The following TASP1 variants were observed in gnomAD, a reference collection of about 807,000 sequenced individuals.
TASP1 encodes the protein threonine aspartase 1.
A neutral mutation model predicts 56.6 loss-of-function variants in TASP1; 16 were observed. The observed-to-expected ratio is 0.28, with a 90% CI of 0.19 to 0.43. The LOEUF (loss-of-function observed/expected upper bound fraction) is 0.43, where lower values mean the gene tolerates loss of function less well. Ranked by LOEUF, TASP1 falls within the 20% of genes least tolerant of loss-of-function variation. The pLI is 1.00. For synonymous variants in TASP1, 179 were observed against 184.2 expected (o/e 0.97, Z 0.23); for missense variants, 393 against 511.6 (o/e 0.77, Z 2.24).
intron 6 of TASP1, among the ~76,000 whole-genome samples, chr20:13,569,953 A>G (rs763511215): frequency 1.3e-5 from 2 of 152,124 alleles, no homozygotes; most frequent in African/African-American, 4.8e-5. Context: ...AACAGTTTAC[A>G]ATTAAGTGAA....
chr20:13,474,390 G>A (rs1425026758), intron 11 of TASP1, among the ~76,000 whole-genome samples: 2 of 152,086 alleles, frequency 1.3e-5, no homozygotes, highest in Non-Finnish European at 2.9e-5. Context: ...ATGATATTTG[G>A]TTTTCTATTC....
At chr20:13,625,273 C>A in intron 2 of TASP1, 21 bp from the exon 3 acceptor site, 1 of 1,583,094 alleles carries the variant, frequency 6.3e-7, no homozygotes, top group South Asian at 1.1e-5. Context: ...AAATAAAATC[C>A]AGTTAATTAT....
At chr20:13,299,125 C>T in the TASP1 span, 6 of 1,613,074 alleles carry the variant, frequency 3.7e-6, no homozygotes, top group South Asian at 6.6e-5. The surrounding 1 kb of genome is among the most constrained non-coding windows in gnomAD (Gnocchi z 5.8). Context: ...GCCAGCGGGC[C>T]CAAGGAGAAG....
the TASP1 span, among the ~76,000 whole-genome samples, chr20:13,327,105 T>C: frequency 6.6e-6 from 1 of 152,234 alleles, no homozygotes; most frequent in African/African-American, 2.4e-5. Context: ...ATAAGCAACT[T>C]CAGCAAAGTC....
chr20:13,571,374 T>C (rs988333453), intron 6 of TASP1, among the ~76,000 whole-genome samples: 7 of 152,360 alleles, frequency 4.6e-5, no homozygotes, highest in African/African-American at 1.2e-4. Flanking sequence ...TTTCTAAACA[T>C]TGAATGCAGC....
At chr20:13,251,688 C>T in the TASP1 span, among the ~76,000 whole-genome samples, 1 of 152,198 alleles carries the variant, frequency 6.6e-6, no homozygotes, top group African/African-American at 2.4e-5. Context: ...TTGCAACAGA[C>T]TCTATCTTCT....
the TASP1 span, chr20:13,368,226 A>T: frequency 6.6e-6 from 1 of 152,200 alleles, no homozygotes; most frequent in Non-Finnish European, 1.5e-5. Context: ...TGGAGTAAAA[A>T]GATCAGCCTT....
the TASP1 span, among the ~76,000 whole-genome samples, chr20:13,196,165 T>C: frequency 6.6e-6 from 1 of 152,218 alleles, no homozygotes; most frequent in Non-Finnish European, 1.5e-5. Context: ...TGAGTTCATT[T>C]CTATTGCAAC....
chr20:13,333,527 G>A, the TASP1 span, among the ~76,000 whole-genome samples: 2 of 152,024 alleles, frequency 1.3e-5, no homozygotes, highest in African/African-American at 2.4e-5. Flanking sequence ...AAATATTCAC[G>A]TTTTTTCCAC....
chr20:13,475,778 C>T (rs2044703035), intron 11 of TASP1, among the ~76,000 whole-genome samples: 1 of 152,134 alleles, frequency 6.6e-6, no homozygotes. Context: ...TGCTTGTAAT[C>T]TCAGCTACTT....
intron 10 of TASP1, among the ~76,000 whole-genome samples, chr20:13,495,233 AG>A (rs1164416882): frequency 6.6e-6 from 1 of 152,160 alleles, no homozygotes; most frequent in African/African-American, 2.4e-5. Context: ...AGGAAGTTTG[AG>A]CCAATGTTAT....
chr20:13,354,577 C>A, the TASP1 span, among the ~76,000 whole-genome samples: 1 of 152,130 alleles, frequency 6.6e-6, no homozygotes, highest in African/African-American at 2.4e-5. Flanking sequence ...CAGACACATT[C>A]CTAAACTAAA....
intron 1 of TASP1, among the ~76,000 whole-genome samples, chr20:13,633,007 G>A (rs1189598521): frequency 6.6e-6 from 1 of 152,112 alleles, no homozygotes; most frequent in Non-Finnish European, 1.5e-5. Flanking sequence ...TATTTTGAGA[G>A]TACAGAAAAA....
At chr20:13,124,059 G>A in the TASP1 span, among the ~76,000 whole-genome samples, 6 of 152,190 alleles carry the variant, frequency 3.9e-5, no homozygotes, top group African/African-American at 7.2e-5. Context: ...GATACCCTGT[G>A]GCTGATGAAT....
chr20:13,577,803 C>T (rs916572144), intron 6 of TASP1, among the ~76,000 whole-genome samples: 3 of 152,150 alleles, frequency 2.0e-5, no homozygotes, highest in African/African-American at 7.2e-5. Flanking sequence ...TAAGGCAGCC[C>T]AAGTAAATTA....
chr20:13,494,169 T>C (rs553176838), intron 10 of TASP1, among the ~76,000 whole-genome samples: 1 of 152,332 alleles, frequency 6.6e-6, no homozygotes, highest in East Asian at 1.9e-4. Context: ...TGGATTCCTG[T>C]TCCATCAGAG....
chr20:13,370,286 A>G, the TASP1 span, among the ~76,000 whole-genome samples: 1 of 152,092 alleles, frequency 6.6e-6, no homozygotes, highest in Non-Finnish European at 1.5e-5. Flanking sequence ...AATAACCCAA[A>G]TTAAATTATA....
At chr20:13,316,670 AAAAG>A in the TASP1 span, among the ~76,000 whole-genome samples, 1 of 151,922 alleles carries the variant, frequency 6.6e-6, no homozygotes, top group Non-Finnish European at 1.5e-5. Flanking sequence ...CAACTGCTAA[AAAAG>A]AAAGATCACA....
the TASP1 span, among the ~76,000 whole-genome samples, chr20:13,225,938 G>A: frequency 7.2e-5 from 11 of 151,990 alleles, no homozygotes; most frequent in African/African-American, 2.7e-4. Flanking sequence ...AGAATCCATA[G>A]GCAATAATAG....
Sources: allele counts gnomAD v4.1 joint callset (sites outside exome capture counted in the v4.1 genomes callset), GRCh38; gene constraint gnomAD v4.1.1; non-coding constraint Gnocchi (gnomAD v3.1); transcripts MANE v1.5; gene names NCBI Gene and HGNC (gene_info 2026-07-23, HGNC 2026-07-21).